Variants in MAX observed in about 807,000 individuals in gnomAD.
The protein encoded by MAX is protein max.
MAX carries 3 observed loss-of-function variants against 22.3 expected under a neutral mutation model. The observed-to-expected ratio is 0.13, with a 90% CI of 0.06 to 0.35. The LOEUF is 0.35. Ranked by LOEUF, MAX falls within the 10% of genes least tolerant of loss-of-function variation. MAX has a pLI of 1.00. For synonymous variants in MAX, 72 were observed against 77.7 expected, an observed-to-expected ratio of 0.93 and a Z score of 0.39; for missense variants, 119 against 209.4, an observed-to-expected ratio of 0.57 and a Z score of 2.66.
intron 3 of MAX, among the ~76,000 whole-genome samples, chr14:65,089,257 G>A (rs2063430122): frequency 6.6e-6 from 1 of 152,148 alleles, no homozygotes; most frequent in Non-Finnish European, 1.5e-5. Context: ...CCTACTATGT[G>A]CCAGAATCTG....
rs747112544 is a variant in MAX at position 65,054,645 on chromosome 14, G to A, written c.171+39063C>T. The stretch of plus-strand genomic sequence containing the variant: ...CATAGCCCAGCACTTCGGCAGCGGA[G>A]CCATGTTGCATGATGTGGTCCTGGG... On this transcript the variant is annotated intron_variant, in intron 3 of 3. Coordinates refer to the MAX transcript ENST00000341653. The surrounding 1 kb of genome is among the most constrained non-coding windows in gnomAD (Gnocchi z 4.4). 2 of 1,613,656 alleles carry A rather than the reference G, an allele frequency of 1.2e-6. No individual in the cohort carries two copies.
At chr14:65,008,630 C>G (rs575368846) in intron 3 of MAX, among the ~76,000 whole-genome samples, 7 of 152,312 alleles carry the variant, frequency 4.6e-5, no homozygotes, top group African/African-American at 1.7e-4. Flanking sequence ...GGGTGGCTAA[C>G]TTAAAGGATG....
chr14:65,037,621 C>G (rs1205130170), intron 3 of MAX, among the ~76,000 whole-genome samples: 1 of 149,198 alleles, frequency 6.7e-6, no homozygotes, highest in Non-Finnish European at 1.5e-5. Flanking sequence ...GACAAAGCCT[C>G]ACCACATTGC....
At chr14:65,089,087 T>A (rs2063423909) in intron 3 of MAX, among the ~76,000 whole-genome samples, 1 of 152,222 alleles carries the variant, frequency 6.6e-6, no homozygotes, top group Non-Finnish European at 1.5e-5. Context: ...CCCTCAAGGG[T>A]AGACACCATC....
In MAX at chr14:65,037,403, C is replaced by CTTTTTTTTTTTTTTTTTTTTTTTT. The variant is rs1555335876; in HGVS notation, c.172-31143_172-31120dup. Among the ~76,000 whole-genome samples the CTTTTTTTTTTTTTTTTTTTTTTTT allele has an allele frequency of 2.0e-4, 6 of 29,646 alleles. 1 individual carries two copies. The highest frequency in any genetic ancestry group is 8.5e-4 in the Admixed American group (2 of 2,366). The allele number at this position is 29,646 out of a possible 152,430, so 19.4% of individuals were successfully genotyped here. A position where few individuals can be genotyped will look rare whatever the true frequency, so the allele number is the denominator to read the frequency against. On this transcript the variant is annotated intron_variant, in intron 3 of 3. Coordinates refer to the MAX transcript ENST00000341653. ...TAGGCGTGAGCCACCACGCCGGGCC[C>CTTTTTTTTTTTTTTTTTTTTTTTT]TTTTTTTTTTTTTTTTTTTTTTTTT...
chr14:65,008,224 A>G (rs898067656), intron 3 of MAX, among the ~76,000 whole-genome samples: 37 of 152,226 alleles, frequency 2.4e-4, no homozygotes, highest in African/African-American at 8.9e-4. Flanking sequence ...GGAACCAGCA[A>G]TGGACTGAAT....
chr14:65,085,464 C>T (rs8010213), intron 3 of MAX, among the ~76,000 whole-genome samples: 73,414 of 152,004 alleles, frequency 0.48, 20,313 homozygotes, highest in African/African-American at 0.77. Flanking sequence ...TCTCAAGATG[C>T]GAAAAATGTT....
At position 65,044,016 on chromosome 14, in the gene MAX, C is replaced by T. The variant is rs548284594; in HGVS notation, c.172-37732G>A. ...AGGTCTCCTTACAAACCAGCTTGGC[C>T]TCTTTATCTTCTCAGCACTGGCACT... On this transcript the variant is annotated intron_variant, in intron 3 of 3. Coordinates refer to the MAX transcript ENST00000341653. The surrounding 1 kb of genome is among the most constrained non-coding windows in gnomAD (Gnocchi z 5.5). Among the ~76,000 whole-genome samples the T allele has an allele frequency of 2.6e-5, 4 of 152,276 alleles. No individual in the cohort carries two copies. In the South Asian group the frequency reaches 8.3e-4, roughly 32 times the overall value.
rs1317639266 is a variant in MAX at position 65,009,618 on chromosome 14, TC to T, written c.172-3335del. Among the ~76,000 whole-genome samples the T allele has an allele frequency of 6.6e-6, 1 of 152,158 alleles. No individual in the cohort carries two copies. Among genetic ancestry groups the T allele is most frequent in the African/African-American group, 2.4e-5 (1 of 41,408 alleles). The stretch of plus-strand genomic sequence containing the variant: ...TACTATACCCTCATCCCAGCCCTCC[TC>T]CATCCTCTTTACAGACCTTCCCTAT... On this transcript the variant is annotated intron_variant, in intron 3 of 3. Transcript: ENST00000341653. This position sits in a 1 kb window ranked among gnomAD's most constrained non-coding sequence, Gnocchi z 4.2.
intron 3 of MAX, among the ~76,000 whole-genome samples, chr14:65,056,942 T>A (rs1028946978): frequency 3.3e-5 from 5 of 152,138 alleles, no homozygotes; most frequent in African/African-American, 1.2e-4. Flanking sequence ...CATTATAACA[T>A]GTGGAAATCA....
In MAX at chr14:65,061,259, C is replaced by T. The variant is rs150971983; in HGVS notation, c.171+32449G>A. 3.0e-5 allele frequency: 49 copies of T among 1,614,138 alleles called. No individual in the cohort carries two copies. In the African/African-American group the frequency reaches 5.9e-4, roughly 19 times the overall value. ...TACATACTTTCTACAGAAGCCAGTC[C>T]CAGGTTTTGAGGAGCTTAAGGATGA... On this transcript the variant is annotated intron_variant, in intron 3 of 3. Transcript: ENST00000341653.
rs576264957 is a variant in MAX, at chr14:65,024,218, C to A, written c.172-17934G>T. ...AACTCAAGTTTGAGAAGCACTGATA[C>A]CTGGCTGAACATTGGAATCACGTGG... On this transcript the variant is annotated intron_variant, in intron 3 of 3. Coordinates refer to the MAX transcript ENST00000341653. 3.9e-5 allele frequency among the ~76,000 whole-genome samples: 6 copies of A among 152,180 alleles called. No homozygotes were observed. The South Asian group carries it at 1.2e-3, about 32-fold the overall frequency.
rs1018125080 is a variant in MAX, at chr14:65,054,124, CT to C, written c.171+39583del. 2.0e-4 allele frequency among the ~76,000 whole-genome samples: 31 copies of C among 151,698 alleles called. No homozygotes were observed. The highest frequency in any genetic ancestry group is 5.3e-4 in the Admixed American group (8 of 15,216). ...GGGGCTTTTATTTTATTGTATTTTA[CT>C]TTTTTGAGACAGGGTCTCACTCTGT... is the stretch of plus-strand genomic sequence containing the variant. On this transcript the variant is annotated intron_variant, in intron 3 of 3. Transcript: ENST00000341653. The surrounding 1 kb of genome is among the most constrained non-coding windows in gnomAD (Gnocchi z 4.4).
chr14:65,057,886 ACT>A, intron 3 of MAX, among the ~76,000 whole-genome samples: 1 of 151,934 alleles, frequency 6.6e-6, no homozygotes, highest in African/African-American at 2.4e-5. Context: ...CTGTTTCTGG[ACT>A]CTCTTATTTT....
In MAX at chr14:65,076,080, A is replaced by G; in HGVS notation, c.*396T>C. On this transcript the variant is annotated 3_prime_UTR_variant, in exon 5 of 5. Transcript: ENST00000358664. This position sits in a 1 kb window ranked among gnomAD's most constrained non-coding sequence, Gnocchi z 6.6. ...CTATCAGAGGTGAGGGCGGGCCAGG[A>G]GGCCACCTGGGCAGGGCAGGCGTCC... The G allele has an allele frequency of 8.1e-7, 1 of 1,239,974 alleles. No individual in the cohort carries two copies. The highest frequency in any genetic ancestry group is 3.6e-5 in the East Asian group (1 of 27,580). The allele number at this position is 1,239,974 out of a possible 1,614,324, so 76.8% of individuals were successfully genotyped here.
chr14:65,074,339 T>C (rs1282821696), downstream of MAX, among the ~76,000 whole-genome samples: 2 of 152,234 alleles, frequency 1.3e-5, no homozygotes, highest in Admixed American at 6.5e-5. Flanking sequence ...TTCTTTTCCT[T>C]AATGTAATCA....
intron 2 of MAX, among the ~76,000 whole-genome samples, chr14:65,094,739 CATG>C (rs1566624008): frequency 1.3e-5 from 2 of 152,234 alleles, no homozygotes; most frequent in Admixed American, 1.3e-4. Context: ...CGCTGGAGAG[CATG>C]ATAAGAGCAC....
chr14:65,033,038 C>T (rs11622366), intron 3 of MAX, among the ~76,000 whole-genome samples: 16,953 of 152,200 alleles, frequency 0.11, 1,294 homozygotes, highest in Non-Finnish European at 0.17. Context: ...GAAACCCTTG[C>T]ACACACGAAT....
In MAX at chr14:65,062,886, T is replaced by C. The variant is rs567445471; in HGVS notation, c.171+30822A>G. Among the ~76,000 whole-genome samples, 206 of 152,338 alleles carry C rather than the reference T, an allele frequency of 1.4e-3. 1 individual carries two copies. The highest frequency in any genetic ancestry group is 4.6e-3 in the African/African-American group (193 of 41,582). ...CCAAGCTCCCTGGGGTAATTCGGTA[T>C]GCTATGTCCCAGCCCTCCACACACT... is the stretch of plus-strand genomic sequence containing the variant. On this transcript the variant is annotated intron_variant, in intron 3 of 3. Transcript: ENST00000341653. This position sits in a 1 kb window ranked among gnomAD's most constrained non-coding sequence, Gnocchi z 4.3.
Sources: allele counts gnomAD v4.1 joint callset (sites outside exome capture counted in the v4.1 genomes callset), GRCh38; gene constraint gnomAD v4.1.1; non-coding constraint Gnocchi (gnomAD v3.1); transcripts MANE v1.5; gene names NCBI Gene and HGNC (gene_info 2026-07-23, HGNC 2026-07-21).